The following LDB2 variants were observed in gnomAD, a reference collection of about 807,000 sequenced individuals.
The protein encoded by LDB2 is LIM domain-binding protein 2.
In LDB2, 12 loss-of-function variants were observed where a neutral mutation model predicts 44.3. The observed-to-expected ratio is 0.27, with a 90% CI of 0.17 to 0.44. The LOEUF (loss-of-function observed/expected upper bound fraction) is 0.44, where lower values mean the gene tolerates loss of function less well. Ranked by LOEUF, LDB2 falls within the 20% of genes least tolerant of loss-of-function variation. The pLI, the probability that LDB2 is intolerant of heterozygous loss-of-function variation, is 1.00. For missense variants in LDB2, 344 were observed against 473.5 expected (o/e 0.73, Z 2.54); for synonymous variants, 164 against 174.8 (o/e 0.94, Z 0.49).
At chr4:16,592,505 T>TATATATATATATACACAC (rs757702164) in intron 3 of LDB2, among the ~76,000 whole-genome samples, 18 of 108,046 alleles carry the variant, frequency 1.7e-4, no homozygotes, top group African/African-American at 6.1e-4. Flanking sequence ...TATATATATA[T>TATATATATATATACACAC]ACACACACAC....
At chr4:16,678,754 G>T (rs1234814206) in intron 2 of LDB2, among the ~76,000 whole-genome samples, 4 of 152,326 alleles carry the variant, frequency 2.6e-5, no homozygotes, top group South Asian at 4.1e-4. Flanking sequence ...GGAGGCAGAT[G>T]CAAGGTGTGT....
intron 5 of LDB2, among the ~76,000 whole-genome samples, chr4:16,518,043 T>G (rs1412798702): frequency 4.6e-5 from 7 of 152,206 alleles, no homozygotes; most frequent in African/African-American, 1.7e-4. Context: ...AATAAATGAT[T>G]GTCTCCTGCA....
intron 1 of LDB2, among the ~76,000 whole-genome samples, chr4:16,792,079 C>T (rs1775878039): frequency 6.6e-6 from 1 of 152,150 alleles, no homozygotes; most frequent in Non-Finnish European, 1.5e-5. Context: ...TTCCAATACC[C>T]TAACATGTAC....
intron 1 of LDB2, among the ~76,000 whole-genome samples, chr4:16,860,704 C>T (rs1439570129): frequency 2.0e-5 from 3 of 152,198 alleles, no homozygotes; most frequent in African/African-American, 4.8e-5. Context: ...ATTCAATGAA[C>T]ACTTGCTTCA....
intron 2 of LDB2, among the ~76,000 whole-genome samples, chr4:16,700,679 G>C (rs1753237289): frequency 6.6e-6 from 1 of 152,202 alleles, no homozygotes. Flanking sequence ...TCTCTGACCA[G>C]TGTCCCCTTG....
intron 2 of LDB2, among the ~76,000 whole-genome samples, chr4:16,701,898 A>T (rs1419803686): frequency 6.6e-6 from 1 of 152,242 alleles, no homozygotes; most frequent in Non-Finnish European, 1.5e-5. Context: ...CCTGGCAGAG[A>T]GTAAACACCT....
intron 1 of LDB2, among the ~76,000 whole-genome samples, chr4:16,805,553 G>C (rs1320119909): frequency 6.6e-6 from 1 of 152,182 alleles, no homozygotes; most frequent in Non-Finnish European, 1.5e-5. Flanking sequence ...GATTGGAGTA[G>C]AGAGAAAATC....
chr4:16,645,205 G>T (rs1315337004), intron 2 of LDB2, among the ~76,000 whole-genome samples: 1 of 152,198 alleles, frequency 6.6e-6, no homozygotes, highest in Non-Finnish European at 1.5e-5. Context: ...TCACACAGTG[G>T]CTGAGGTTTC....
chr4:16,504,541 T>A (rs1296707694), intron 7 of LDB2, among the ~76,000 whole-genome samples: 4 of 152,108 alleles, frequency 2.6e-5, no homozygotes, highest in African/African-American at 9.7e-5. Context: ...CTTCCAAGAT[T>A]TATTTATTTA....
chr4:16,657,955 G>T (rs1275926812), intron 2 of LDB2, among the ~76,000 whole-genome samples: 1 of 152,156 alleles, frequency 6.6e-6, no homozygotes, highest in Non-Finnish European at 1.5e-5. Context: ...TGTGTGTTCT[G>T]TTCTCCAAAA....
At chr4:16,555,637 G>C (rs1739303243) in intron 5 of LDB2, among the ~76,000 whole-genome samples, 1 of 152,118 alleles carries the variant, frequency 6.6e-6, no homozygotes, top group African/African-American at 2.4e-5. Context: ...TCTATTCACT[G>C]TCAAAAACCT....
Position 16,557,397 on chromosome 4 carries a change from A to G in LDB2, c.615+28525T>C, listed in dbSNP as rs564077317. 1.7e-3 allele frequency among the ~76,000 whole-genome samples: 254 copies of G among 152,340 alleles called. 1 individual carries two copies. The highest frequency in any genetic ancestry group is 5.6e-3 in the African/African-American group (232 of 41,584). ...TCCGACGGGCTTAAAAAGGCGCACCAGGAGATTATATCCCGCACCTGGCTC... is the reference window on the plus strand; with the variant it reads ...TCCGACGGGCTTAAAAAGGCGCACCGGGAGATTATATCCCGCACCTGGCTC... On this transcript the variant is annotated intron_variant, in intron 5 of 7. Transcript: ENST00000304523.
At chr4:16,775,866 T>C (rs1044352260) in intron 1 of LDB2, among the ~76,000 whole-genome samples, 1 of 152,182 alleles carries the variant, frequency 6.6e-6, no homozygotes, top group Non-Finnish European at 1.5e-5. Flanking sequence ...TCAAGCAGAC[T>C]GACTGAAGCG....
chr4:16,535,828 T>C (rs1023255823), intron 5 of LDB2, among the ~76,000 whole-genome samples: 6 of 152,200 alleles, frequency 3.9e-5, no homozygotes, highest in African/African-American at 9.6e-5. Context: ...AAGATACCGA[T>C]GTGTAGAAAG....
chr4:16,795,867 A>G (rs990419674), intron 1 of LDB2, among the ~76,000 whole-genome samples: 1 of 152,148 alleles, frequency 6.6e-6, no homozygotes, highest in Admixed American at 6.5e-5. Flanking sequence ...GACAAATGCT[A>G]TTGCTATAGT....
Position 16,848,084 on chromosome 4 carries a change from G to T in LDB2, c.132+50270C>A, listed in dbSNP as rs570700800. ...TCAGGGTCTTTGATGAATGCTGAAA[G>T]GTATTTATTTTTGAAATCCAGCTAC... On this transcript the variant is annotated intron_variant, in intron 1 of 7. Coordinates refer to ENST00000304523, the MANE Select transcript of LDB2 (RefSeq NM_001290.5). Among the ~76,000 whole-genome samples the T allele has an allele frequency of 3.9e-5, 6 of 152,242 alleles. No homozygotes were observed. In the South Asian group the frequency reaches 1.2e-3, roughly 32 times the overall value.
chr4:16,858,160 A>G (rs1025351511), intron 1 of LDB2, among the ~76,000 whole-genome samples: 2 of 152,216 alleles, frequency 1.3e-5, no homozygotes, highest in Non-Finnish European at 2.9e-5. Flanking sequence ...GAGATAGATA[A>G]GATCATTATT....
intron 2 of LDB2, among the ~76,000 whole-genome samples, chr4:16,736,762 T>C (rs1033407379): frequency 6.6e-6 from 1 of 152,174 alleles, no homozygotes; most frequent in Non-Finnish European, 1.5e-5. Flanking sequence ...ACTTCTTTTG[T>C]TTATAGGAGG....
chr4:16,764,485 T>A (rs1354826694), intron 1 of LDB2, among the ~76,000 whole-genome samples: 1 of 151,726 alleles, frequency 6.6e-6, no homozygotes, highest in East Asian at 1.9e-4. Context: ...CACTCAGTTC[T>A]TGGTGACACA....
Sources: gnomAD v4.1 joint callset for allele counts (sites outside exome capture counted in the v4.1 genomes callset) on GRCh38, gnomAD v4.1.1 for gene constraint, MANE v1.5 for transcripts, NCBI Gene and HGNC (gene_info 2026-07-23, HGNC 2026-07-21) for gene names.